The following RASSF8 variants were observed in gnomAD, a reference collection of about 807,000 sequenced individuals.
RASSF8 encodes the protein Ras association domain family member 8.
A neutral mutation model predicts 48.5 loss-of-function variants in RASSF8; 22 were observed. The ratio of observed to expected loss-of-function variants is 0.45; its 90% CI spans 0.32 to 0.65. The LOEUF (loss-of-function observed/expected upper bound fraction) is 0.65. RASSF8 is among the 30% of genes least tolerant of loss of function. The probability of loss-of-function intolerance (pLI) is 0.03; values close to 1 mark genes in which losing one functional copy is unlikely to be tolerated. For missense variants in RASSF8, 418 were observed against 489.2 expected, an observed-to-expected ratio of 0.85 and a Z score of 1.37; for synonymous variants, 127 against 171.5, an observed-to-expected ratio of 0.74 and a Z score of 2.03.
intron 2 of RASSF8, among the ~76,000 whole-genome samples, chr12:26,002,325 C>T (rs543163970): frequency 4.6e-5 from 7 of 151,904 alleles, no homozygotes; most frequent in Non-Finnish European, 7.4e-5. Context: ...CCCAGCTAAT[C>T]GAGAGGCTGA....
rs114947350 is a variant in RASSF8, at chr12:26,003,890, C to T, written c.-109+8760C>T. Among the ~76,000 whole-genome samples, 1,040 of 152,044 alleles carry T rather than the reference C, an allele frequency of 6.8e-3. 14 individuals carry two copies. The highest frequency in any genetic ancestry group is 0.024 in the African/African-American group (994 of 41,486). On this transcript the variant is annotated intron_variant, in intron 2 of 5. Transcript: ENST00000689635. ...ACATTTTCCATAAGGATAAATGTAT[C>T]AAGGGGCCAGGTGCGGTGGCTCATG...
intron 1 of RASSF8, among the ~76,000 whole-genome samples, chr12:25,968,734 T>C (rs997212736): frequency 2.0e-5 from 3 of 152,154 alleles, no homozygotes; most frequent in Non-Finnish European, 2.9e-5. Context: ...CACACAAAGC[T>C]CCTGTTTGCA....
At chr12:26,051,202 G>A (rs535077761) in intron 2 of RASSF8, among the ~76,000 whole-genome samples, 1 of 152,196 alleles carries the variant, frequency 6.6e-6, no homozygotes, top group African/African-American at 2.4e-5. Context: ...GAATTATGTT[G>A]TGAGGAATAA....
chr12:26,060,792 G>A (rs1306705838), intron 3 of RASSF8, among the ~76,000 whole-genome samples: 1 of 152,106 alleles, frequency 6.6e-6, no homozygotes, highest in South Asian at 2.1e-4. Context: ...CAGTGCTGTT[G>A]GATAGCTTAT....
At chr12:26,029,185 A>T (rs1261049727) in intron 2 of RASSF8, among the ~76,000 whole-genome samples, 1 of 152,216 alleles carries the variant, frequency 6.6e-6, no homozygotes, top group Non-Finnish European at 1.5e-5. Context: ...TATCATGTAG[A>T]TCACTTTAGC....
intron 1 of RASSF8, among the ~76,000 whole-genome samples, chr12:25,970,126 G>C (rs1941451529): frequency 6.7e-6 from 1 of 149,996 alleles, no homozygotes; most frequent in African/African-American, 2.5e-5. Context: ...AGAGGTTGCA[G>C]AATTTTTCAT....
intron 1 of RASSF8, among the ~76,000 whole-genome samples, chr12:25,982,968 C>T (rs534902436): frequency 8.5e-5 from 13 of 152,306 alleles, no homozygotes; most frequent in African/African-American, 3.1e-4. Flanking sequence ...CATAGTAGCA[C>T]AAGGCAGAAG....
chr12:25,972,914 T>A (rs1160462177), intron 1 of RASSF8, among the ~76,000 whole-genome samples: 2 of 151,824 alleles, frequency 1.3e-5, no homozygotes, highest in African/African-American at 4.8e-5. Flanking sequence ...GTTTTGACTG[T>A]TTTTTTTCCT....
intron 2 of RASSF8, among the ~76,000 whole-genome samples, chr12:26,035,511 A>T (rs941392734): frequency 5.6e-4 from 71 of 126,856 alleles, no homozygotes; most frequent in Middle Eastern, 3.9e-3. Flanking sequence ...ATAATTATAT[A>T]ATATAATTAT....
Position 26,046,118 on chromosome 12 carries a change from T to C in RASSF8, c.-108-9118T>C, listed in dbSNP as rs560922241. ...CAGTTTTCACCAGGAACCTCAGGGG[T>C]TGTATATTCCTAAGTCTGATTTGAA... On this transcript the variant is annotated intron_variant, in intron 2 of 5. Transcript: ENST00000689635. 3.3e-4 allele frequency among the ~76,000 whole-genome samples: 50 copies of C among 152,272 alleles called. 1 individual carries two copies. Among genetic ancestry groups the C allele is most frequent in the Admixed American group, 3.1e-3 (47 of 15,300 alleles).
intron 1 of RASSF8, among the ~76,000 whole-genome samples, chr12:25,994,642 C>T (rs76071751): frequency 0.02 from 3,044 of 152,230 alleles, 101 homozygotes; most frequent in African/African-American, 0.068. Context: ...TCAGTTTTAG[C>T]CCTGGCTTTA....
chr12:26,065,430 T>C (rs973755109), intron 4 of RASSF8, 43 bp downstream of exon 4: 2 of 1,516,164 alleles, frequency 1.3e-6, no homozygotes, highest in Admixed American at 2.2e-5. Context: ...CCATGTAAAA[T>C]AGTATCTTCT....
intron 1 of RASSF8, among the ~76,000 whole-genome samples, chr12:25,991,339 C>T (rs1210817208): frequency 6.6e-6 from 1 of 151,750 alleles, no homozygotes; most frequent in Non-Finnish European, 1.5e-5. Context: ...ATTTGCATTG[C>T]TATAAACTAT....
intron 2 of RASSF8, among the ~76,000 whole-genome samples, chr12:26,046,344 AGTG>A (rs1345189880): frequency 6.6e-6 from 1 of 152,204 alleles, no homozygotes; most frequent in Non-Finnish European, 1.5e-5. Flanking sequence ...CTGTGTCACT[AGTG>A]GTTCTGAGTG....
intron 3 of RASSF8, 92 bp downstream of exon 3, chr12:26,055,538 G>T (rs1943583800): frequency 1.8e-6 from 2 of 1,106,200 alleles, no homozygotes. Context: ...AGGGGATTTT[G>T]TTCATTTGGT....
At chr12:26,024,993 A>C (rs748945998) in intron 2 of RASSF8, among the ~76,000 whole-genome samples, 12 of 152,170 alleles carry the variant, frequency 7.9e-5, no homozygotes, top group Non-Finnish European at 1.3e-4. Flanking sequence ...CTACATCAAT[A>C]GAATAAAGAA....
intron 2 of RASSF8, among the ~76,000 whole-genome samples, chr12:25,998,955 G>A (rs1942194154): frequency 6.6e-6 from 1 of 152,108 alleles, no homozygotes. Flanking sequence ...TATTTTATGG[G>A]AAGTATCTAT....
chr12:25,982,469 T>C (rs961552063), intron 1 of RASSF8, among the ~76,000 whole-genome samples: 5 of 152,216 alleles, frequency 3.3e-5, no homozygotes, highest in African/African-American at 9.7e-5. Flanking sequence ...ATACTCTGAA[T>C]TACTCCTCTA....
chr12:26,034,619 A>G (rs1375659676), intron 2 of RASSF8, among the ~76,000 whole-genome samples: 1 of 152,112 alleles, frequency 6.6e-6, no homozygotes. Flanking sequence ...GAAAAAGATC[A>G]TTATTCTTTC....
Sources: allele counts gnomAD v4.1 joint callset (sites outside exome capture counted in the v4.1 genomes callset), GRCh38; gene constraint gnomAD v4.1.1; transcripts MANE v1.5; gene names NCBI Gene and HGNC (gene_info 2026-07-23, HGNC 2026-07-21).